Variants in HDAC4 observed in about 807,000 individuals in gnomAD.
The protein encoded by HDAC4 is histone deacetylase A.
HDAC4 carries 16 observed loss-of-function variants against 135.1 expected under a neutral mutation model. The observed-to-expected ratio is 0.12, with a 90% CI of 0.08 to 0.18. HDAC4 has a LOEUF of 0.18. Ranked by LOEUF, HDAC4 falls within the 10% of genes least tolerant of loss-of-function variation. The pLI is 1.00. For synonymous variants in HDAC4, 685 were observed against 653.4 expected (o/e 1.05, Z -0.74); for missense variants, 1,143 against 1,511.8 (o/e 0.76, Z 4.05).
intron 2 of HDAC4, among the ~76,000 whole-genome samples, chr2:239,269,106 A>AC (rs2049908098): frequency 1.3e-5 from 2 of 152,122 alleles, no homozygotes; most frequent in Non-Finnish European, 2.9e-5. Flanking sequence ...CCATCCAAGC[A>AC]CCCCCATCAT....
At chr2:239,130,316 C>T (rs1027067375) in intron 11 of HDAC4, among the ~76,000 whole-genome samples, 1 of 152,164 alleles carries the variant, frequency 6.6e-6, no homozygotes, top group Non-Finnish European at 1.5e-5. Context: ...TCAAGCCCTT[C>T]CTGGGACTCG....
chr2:239,138,938 T>C (rs1035998004), intron 9 of HDAC4, among the ~76,000 whole-genome samples: 9 of 152,174 alleles, frequency 5.9e-5, no homozygotes, highest in Non-Finnish European at 1.3e-4. Context: ...CACTCCTCCC[T>C]GCCTTGCCAC....
At chr2:239,239,721 C>T (rs922919782) in intron 2 of HDAC4, among the ~76,000 whole-genome samples, 2 of 152,200 alleles carry the variant, frequency 1.3e-5, no homozygotes, top group African/African-American at 4.8e-5. Flanking sequence ...TACATTCAAA[C>T]CCCCAACACT....
intron 4 of HDAC4, among the ~76,000 whole-genome samples, chr2:239,184,970 G>T (rs2044442006): frequency 1.4e-5 from 2 of 139,864 alleles, no homozygotes; most frequent in Admixed American, 7.2e-5. Flanking sequence ...CTATGGGGGG[G>T]GTCCCTTGGT....
At chr2:239,383,106 G>A (rs911732654) in intron 1 of HDAC4, among the ~76,000 whole-genome samples, 4 of 152,172 alleles carry the variant, frequency 2.6e-5, no homozygotes, top group African/African-American at 9.7e-5. Context: ...AATACCCAGT[G>A]TTCTCCAACA....
At chr2:239,163,276 G>A (rs1278904907) in intron 6 of HDAC4, among the ~76,000 whole-genome samples, 1 of 152,198 alleles carries the variant, frequency 6.6e-6, no homozygotes, top group African/African-American at 2.4e-5. Flanking sequence ...CGCTGTCGGA[G>A]CACAGAGGAT....
intron 2 of HDAC4, among the ~76,000 whole-genome samples, chr2:239,275,118 T>A (rs2050278172): frequency 6.6e-6 from 1 of 151,960 alleles, no homozygotes; most frequent in Non-Finnish European, 1.5e-5. Flanking sequence ...ATCTCACCCA[T>A]CTCCCGTGGC....
intron 26 of HDAC4, 80 bp downstream of exon 26, chr2:239,053,380 G>A (rs931161985): frequency 2.6e-6 from 4 of 1,550,132 alleles, no homozygotes; most frequent in Middle Eastern, 2.0e-4. Flanking sequence ...GTGCCATAAA[G>A]GTTCTGACCC....
At chr2:239,384,490 G>A (rs1308298666) in intron 1 of HDAC4, among the ~76,000 whole-genome samples, 7 of 146,990 alleles carry the variant, frequency 4.8e-5, no homozygotes, top group South Asian at 2.2e-4. Context: ...GGTGGTGCAC[G>A]CCTGTAGTCC....
chr2:239,250,982 C>A (rs1575526638), intron 2 of HDAC4, among the ~76,000 whole-genome samples: 1 of 152,200 alleles, frequency 6.6e-6, no homozygotes, highest in African/African-American at 2.4e-5. Flanking sequence ...AGACCTGCAT[C>A]AACTTACCGG....
At chr2:239,156,526 A>G in intron 7 of HDAC4, 126 bp downstream of exon 7, 1 of 1,160,762 alleles carries the variant, frequency 8.6e-7, no homozygotes, top group Non-Finnish European at 1.3e-6. Context: ...GAAAGGAGAA[A>G]ATATTTAAAA....
Position 239,262,719 on chromosome 2 carries a change from C to T in HDAC4, c.23-26055G>A, listed in dbSNP as rs1280904615. Among the ~76,000 whole-genome samples, 3 of 152,278 alleles carry T rather than the reference C, an allele frequency of 2.0e-5. No homozygotes were observed. The highest frequency in any genetic ancestry group is 2.1e-4 in the South Asian group (1 of 4,820). ...CCCCAAGGGTGCACACGGCTGAAGG[C>T]GCAACGGGCACAGGGCATTCTGTGG... On this transcript the variant is annotated intron_variant, in intron 2 of 26. Coordinates refer to ENST00000543185, the MANE Select transcript of HDAC4 (RefSeq NM_001378414.1). The surrounding 1 kb of genome is among the most constrained non-coding windows in gnomAD (Gnocchi z 4.1).
At position 239,331,970 on chromosome 2, in the gene HDAC4, G is replaced by C. The variant is rs886544191; in HGVS notation, c.22+20708C>G. On this transcript the variant is annotated intron_variant, in intron 2 of 26. Transcript: ENST00000543185. This position sits in a 1 kb window ranked among gnomAD's most constrained non-coding sequence, Gnocchi z 4.5. ...TCCTCACAGAATCCGCAGCTTGAGCGTAAGAAGGGATACAAGAGGGAAAGG... is the reference window on the plus strand; with the variant it reads ...TCCTCACAGAATCCGCAGCTTGAGCCTAAGAAGGGATACAAGAGGGAAAGG... Among the ~76,000 whole-genome samples, 2 of 152,114 alleles carry C rather than the reference G, an allele frequency of 1.3e-5. No homozygotes were observed. Among genetic ancestry groups the C allele is most frequent in the African/African-American group, 4.8e-5 (2 of 41,418 alleles).
intron 1 of HDAC4, among the ~76,000 whole-genome samples, chr2:239,391,733 G>A (rs911409818): frequency 6.6e-6 from 1 of 152,184 alleles, no homozygotes; most frequent in East Asian, 1.9e-4. Context: ...GCAGTGTGAC[G>A]AGCAGGAGAG....
chr2:239,335,690 T>G (rs570004408), intron 2 of HDAC4, among the ~76,000 whole-genome samples: 3 of 152,124 alleles, frequency 2.0e-5, no homozygotes, highest in African/African-American at 7.2e-5. Context: ...CCACCAAAGA[T>G]GACATCTAGT....
At chr2:239,218,563 G>A (rs1175388472) in intron 3 of HDAC4, among the ~76,000 whole-genome samples, 1 of 150,738 alleles carries the variant, frequency 6.6e-6, no homozygotes, top group Non-Finnish European at 1.5e-5. Flanking sequence ...CATGGGCAAG[G>A]ACTTCATGTC....
chr2:239,312,993 G>A (rs907989264), intron 2 of HDAC4, among the ~76,000 whole-genome samples: 3 of 152,212 alleles, frequency 2.0e-5, no homozygotes, highest in East Asian at 1.9e-4. Flanking sequence ...GGCTGCCGAC[G>A]GGAGGCAGAC....
At chr2:239,108,565 G>T (rs561018391) in intron 14 of HDAC4, among the ~76,000 whole-genome samples, 13 of 152,228 alleles carry the variant, frequency 8.5e-5, no homozygotes, top group African/African-American at 2.2e-4. Context: ...TGGGGAGGAC[G>T]GTGCTGACTT....
chr2:239,067,795 AG>A (rs1363076357), intron 23 of HDAC4, among the ~76,000 whole-genome samples: 1 of 152,160 alleles, frequency 6.6e-6, no homozygotes, highest in Non-Finnish European at 1.5e-5. Context: ...CTGTGCCGAC[AG>A]GAGTGGGGAG....
Sources: gnomAD v4.1 joint callset for allele counts (sites outside exome capture counted in the v4.1 genomes callset) on GRCh38, gnomAD v4.1.1 for gene constraint, Gnocchi (gnomAD v3.1) non-coding constraint, MANE v1.5 for transcripts, NCBI Gene and HGNC (gene_info 2026-07-23, HGNC 2026-07-21) for gene names.